The following CMSS1 variants were observed in gnomAD, a reference collection of about 807,000 sequenced individuals.
CMSS1 encodes the protein protein CMSS1.
In CMSS1, 33 loss-of-function variants were observed where a neutral mutation model predicts 43.5. The ratio of observed to expected loss-of-function variants is 0.76; its 90% CI spans 0.57 to 1.01. The LOEUF (loss-of-function observed/expected upper bound fraction) is 1.01, where lower values mean the gene tolerates loss of function less well. CMSS1 is among the 50% of genes least tolerant of loss of function. The probability of loss-of-function intolerance (pLI) is 0.00; values close to 1 mark genes in which losing one functional copy is unlikely to be tolerated. For missense variants in CMSS1, 313 were observed against 326.4 expected (o/e 0.96, Z 0.32); for synonymous variants, 115 against 117.2 (o/e 0.98, Z 0.12).
At chr3:100,021,791 T>C (rs1354070886) in intron 1 of CMSS1, among the ~76,000 whole-genome samples, 1 of 152,186 alleles carries the variant, frequency 6.6e-6, no homozygotes, top group Non-Finnish European at 1.5e-5. Context: ...CTAGGTGCTT[T>C]AGATATCCCC....
chr3:99,915,108 G>T (rs1366401367), intron 1 of CMSS1, among the ~76,000 whole-genome samples: 1 of 151,914 alleles, frequency 6.6e-6, no homozygotes, highest in African/African-American at 2.4e-5. Flanking sequence ...GCCTTCTTGG[G>T]GATAGTCCCA....
chr3:100,080,886 C>T (rs1031371813), intron 1 of CMSS1, among the ~76,000 whole-genome samples: 4 of 152,206 alleles, frequency 2.6e-5, no homozygotes, highest in Non-Finnish European at 1.5e-5. Context: ...GTTACCAAAG[C>T]AATCCCTTTG....
intron 1 of CMSS1, among the ~76,000 whole-genome samples, chr3:100,101,516 A>G (rs1006853446): frequency 6.6e-6 from 1 of 152,164 alleles, no homozygotes; most frequent in Non-Finnish European, 1.5e-5. Flanking sequence ...AAGTACTTCC[A>G]TTGGAATTCT....
chr3:100,114,943 G>A, intron 1 of CMSS1: 3 of 1,534,766 alleles, frequency 2.0e-6, no homozygotes, highest in Admixed American at 2.0e-5. Context: ...AGTGTCACAG[G>A]AGACACGAGG....
At chr3:100,125,192 G>A (rs2107494976) in intron 1 of CMSS1, among the ~76,000 whole-genome samples, 1 of 152,240 alleles carries the variant, frequency 6.6e-6, no homozygotes, top group South Asian at 2.1e-4. Context: ...CCCATAGGGA[G>A]GGTGGTTTTG....
At chr3:99,930,183 T>C (rs1210800869) in intron 1 of CMSS1, among the ~76,000 whole-genome samples, 1 of 152,252 alleles carries the variant, frequency 6.6e-6, no homozygotes, top group African/African-American at 2.4e-5. Flanking sequence ...AACAAAACTA[T>C]ATCCCTTCAT....
At chr3:99,893,326 C>T (rs1039490731) in intron 1 of CMSS1, among the ~76,000 whole-genome samples, 14 of 151,930 alleles carry the variant, frequency 9.2e-5, no homozygotes, top group Non-Finnish European at 1.9e-4. Context: ...CCACCACGCC[C>T]GGCTAATTTT....
At chr3:99,879,065 A>AT (rs1193042880) in intron 1 of CMSS1, among the ~76,000 whole-genome samples, 1 of 152,094 alleles carries the variant, frequency 6.6e-6, no homozygotes. Flanking sequence ...CTTTCTTTTC[A>AT]TTTTTTAATC....
intron 1 of CMSS1, among the ~76,000 whole-genome samples, chr3:99,897,937 T>C (rs1426570188): frequency 6.6e-6 from 1 of 152,244 alleles, no homozygotes; most frequent in Admixed American, 6.5e-5. Flanking sequence ...CTCGTCACCA[T>C]GAATAATTGA....
intron 1 of CMSS1, among the ~76,000 whole-genome samples, chr3:100,119,852 G>A (rs1159547906): frequency 1.3e-5 from 2 of 152,170 alleles, no homozygotes; most frequent in African/African-American, 2.4e-5. Flanking sequence ...CCTTAAGAGT[G>A]GGATTATTTA....
chr3:99,932,848 G>A lies in CMSS1; in HGVS notation c.64+114805G>A, dbSNP rs150040547. On this transcript the variant is annotated intron_variant, in intron 1 of 9. Transcript: ENST00000421999. ...CGAGGTTGCATTGAGCCAAGATCGCGCCCGGCACTCCAGCCTGGGTGACAG... is the reference window on the plus strand; with the variant it reads ...CGAGGTTGCATTGAGCCAAGATCGCACCCGGCACTCCAGCCTGGGTGACAG... Among the ~76,000 whole-genome samples the A allele has an allele frequency of 9.3e-3, 1,410 of 152,216 alleles. 30 individuals carry two copies. Among genetic ancestry groups the A allele is most frequent in the Admixed American group, 0.044 (675 of 15,292 alleles).
chr3:99,972,193 G>A (rs1203820636), intron 1 of CMSS1, among the ~76,000 whole-genome samples: 1 of 152,092 alleles, frequency 6.6e-6, no homozygotes, highest in Non-Finnish European at 1.5e-5. Context: ...CTTTTTATGG[G>A]CTTAATAAAT....
intron 1 of CMSS1, among the ~76,000 whole-genome samples, chr3:99,916,435 T>TAC (rs1491315247): frequency 6.9e-4 from 83 of 120,210 alleles, no homozygotes; most frequent in African/African-American, 2.8e-3. Context: ...AATAACGGTT[T>TAC]ATACACACAC....
intron 1 of CMSS1, among the ~76,000 whole-genome samples, chr3:99,927,754 C>T (rs1707342237): frequency 6.6e-6 from 1 of 151,902 alleles, no homozygotes; most frequent in Admixed American, 6.6e-5. Flanking sequence ...TGATATAGAA[C>T]CCTAGGCTGG....
chr3:99,941,207 A>G (rs1192236943), intron 1 of CMSS1, among the ~76,000 whole-genome samples: 1 of 152,012 alleles, frequency 6.6e-6, no homozygotes, highest in African/African-American at 2.4e-5. Context: ...TTTTAGACAC[A>G]CGGAGTTGAT....
chr3:100,010,094 G>A, intron 1 of CMSS1: 1 of 761,274 alleles, frequency 1.3e-6, no homozygotes. Flanking sequence ...ACCATACCAA[G>A]TTCTCACTTT....
intron 8 of CMSS1, among the ~76,000 whole-genome samples, chr3:100,175,244 G>T (rs544996614): frequency 5.9e-5 from 9 of 152,272 alleles, no homozygotes; most frequent in African/African-American, 1.9e-4. Flanking sequence ...ACTGGGATAT[G>T]TCATAGAAGG....
intron 1 of CMSS1, among the ~76,000 whole-genome samples, chr3:100,084,154 C>T (rs1047312264): frequency 6.6e-6 from 1 of 152,154 alleles, no homozygotes; most frequent in Admixed American, 6.6e-5. Context: ...GTCTAGACTT[C>T]TAGATTATGC....
At chr3:99,888,038 C>CTGG (rs1266107473) in intron 1 of CMSS1, among the ~76,000 whole-genome samples, 5 of 152,198 alleles carry the variant, frequency 3.3e-5, no homozygotes, top group African/African-American at 9.7e-5. Flanking sequence ...GCCACTGTGC[C>CTGG]TGGCCTCCTG....
Sources: gnomAD v4.1 joint callset for allele counts (sites outside exome capture counted in the v4.1 genomes callset) on GRCh38, gnomAD v4.1.1 for gene constraint, MANE v1.5 for transcripts, NCBI Gene and HGNC (gene_info 2026-07-23, HGNC 2026-07-21) for gene names.